The following ATP10A variants were observed in gnomAD, a reference collection of about 807,000 sequenced individuals.
ATP10A encodes the protein phospholipid-transporting ATPase VA.
ATP10A carries 111 observed loss-of-function variants against 147.8 expected under a neutral mutation model. The ratio of observed to expected loss-of-function variants is 0.75; its 90% CI spans 0.64 to 0.88. The LOEUF is 0.88. Ranked by LOEUF, ATP10A falls within the 40% of genes least tolerant of loss-of-function variation. The pLI, the probability that ATP10A is intolerant of heterozygous loss-of-function variation, is 0.00. For missense variants in ATP10A, 1,927 were observed against 1,959.0 expected, an observed-to-expected ratio of 0.98 and a Z score of 0.31; for synonymous variants, 875 against 841.6, an observed-to-expected ratio of 1.04 and a Z score of -0.69.
intron 2 of ATP10A, among the ~76,000 whole-genome samples, chr15:25,751,416 C>T (rs1204030554): frequency 1.3e-5 from 2 of 152,090 alleles, no homozygotes; most frequent in East Asian, 1.9e-4. Context: ...ACCAGTGTTA[C>T]CTGTTTGACA....
intron 13 of ATP10A, among the ~76,000 whole-genome samples, chr15:25,699,603 T>C (rs962797227): frequency 2.6e-4 from 40 of 152,144 alleles, no homozygotes; most frequent in African/African-American, 7.5e-4. Context: ...GCACAGTGGC[T>C]CAAGTCTATA....
At chr15:25,685,815 C>A (rs1196991084) in intron 16 of ATP10A, among the ~76,000 whole-genome samples, 3 of 130,492 alleles carry the variant, frequency 2.3e-5, no homozygotes, top group African/African-American at 1.0e-4. Flanking sequence ...CAGAATCAGA[C>A]CCTGTCTTTA....
At chr15:25,746,102 A>C (rs1391930292) in intron 2 of ATP10A, among the ~76,000 whole-genome samples, 1 of 152,184 alleles carries the variant, frequency 6.6e-6, no homozygotes, top group Non-Finnish European at 1.5e-5. Flanking sequence ...TTAAAAACTC[A>C]AGACTATATT....
At chr15:25,675,656 A>T (rs1202913197), downstream of ATP10A, among the ~76,000 whole-genome samples, 1 of 152,192 alleles carries the variant, frequency 6.6e-6, no homozygotes, top group Non-Finnish European at 1.5e-5. Flanking sequence ...TCATTAAAGA[A>T]AAACAAGGTC....
At chr15:25,853,834 T>TAAAAC (rs549271066) in intron 1 of ATP10A, among the ~76,000 whole-genome samples, 110 of 150,506 alleles carry the variant, frequency 7.3e-4, no homozygotes, top group Non-Finnish European at 8.3e-4. Context: ...AAGAATCAGC[T>TAAAAC]AAAACAAAAC....
intron 3 of ATP10A, among the ~76,000 whole-genome samples, chr15:25,728,133 C>T (rs1375831580): frequency 1.3e-5 from 2 of 152,332 alleles, no homozygotes; most frequent in South Asian, 2.1e-4. Context: ...CCTCTCCGCA[C>T]GCATTCCCCA....
chr15:25,673,086 C>T (rs1295911387), downstream of ATP10A, among the ~76,000 whole-genome samples: 1 of 152,140 alleles, frequency 6.6e-6, no homozygotes, highest in East Asian at 1.9e-4. Context: ...CAAAACCATA[C>T]CCAGGGCCCC....
At chr15:25,770,998 T>C (rs1039662840) in intron 2 of ATP10A, among the ~76,000 whole-genome samples, 3 of 152,172 alleles carry the variant, frequency 2.0e-5, no homozygotes, top group African/African-American at 7.2e-5. Flanking sequence ...GTAGAGGTCG[T>C]TCAGGGGAGG....
At chr15:25,717,863 G>C (rs1388743071) in intron 8 of ATP10A, among the ~76,000 whole-genome samples, 2 of 152,282 alleles carry the variant, frequency 1.3e-5, no homozygotes, top group East Asian at 1.9e-4. Context: ...GGTTGGCTTT[G>C]CTTTTTAGCG....
chr15:25,675,046 T>C (rs1204416817), downstream of ATP10A, among the ~76,000 whole-genome samples: 1 of 152,186 alleles, frequency 6.6e-6, no homozygotes, highest in African/African-American at 2.4e-5. Context: ...GGCCGAAGTC[T>C]GCCCTGGCTG....
At chr15:25,673,857 G>T (rs1899087924), downstream of ATP10A, among the ~76,000 whole-genome samples, 1 of 152,192 alleles carries the variant, frequency 6.6e-6, no homozygotes, top group South Asian at 2.1e-4. Flanking sequence ...AGCCTGGCTG[G>T]GCTGCCTCAG....
chr15:25,684,702 C>T (rs920650316), intron 16 of ATP10A, among the ~76,000 whole-genome samples: 1 of 152,160 alleles, frequency 6.6e-6, no homozygotes, highest in Non-Finnish European at 1.5e-5. Flanking sequence ...GGAACTCTGA[C>T]GCTAGACAGA....
At position 25,680,219 on chromosome 15, in the gene ATP10A, A is replaced by T. The variant is rs1899324829; in HGVS notation, c.3768T>A (p.Tyr1256Ter). The T allele has an allele frequency of 6.8e-6, 11 of 1,614,148 alleles. No homozygotes were observed. Among genetic ancestry groups the T allele is most frequent in the Non-Finnish European group, 9.3e-6 (11 of 1,179,992 alleles). ...TAGTCCAGTAAGGGTTGGACGGAGG[A>T]TAGCACGTGGCACAAGACGCATTGT... Reference protein sequence around the residue: ...LIYNASCATCYPPSNPYWTMQ... With the variant: ...LIYNASCATC The change falls in exon 20 of 21, where the codon TAT (tyrosine) becomes TAA (stop). Residue 1256 changes from tyrosine (Y) to a stop codon, truncating the protein, a stop_gained. Transcript: ENST00000555815. LOFTEE classifies it high-confidence loss of function.
chr15:25,790,903 A>ACAATCCCAGGAAATGGGCCGGAGTTGTG (rs1410785391), intron 1 of ATP10A, among the ~76,000 whole-genome samples: 25 of 152,162 alleles, frequency 1.6e-4, no homozygotes, highest in Non-Finnish European at 1.8e-4. Context: ...CATTGGTATG[A>ACAATCCCAGGAAATGGGCCGGAGTTGTG]CAATCCCAGG....
In ATP10A at chr15:25,679,556, G is replaced by A; in HGVS notation, c.4285C>T (p.Leu1429Phe). 6.2e-7 allele frequency: 1 copy of A among 1,612,016 alleles called. No individual in the cohort carries two copies. The highest frequency in any genetic ancestry group is 8.5e-7 in the Non-Finnish European group (1 of 1,178,430). Residue 1429 changes from leucine to phenylalanine, a missense_variant, in exon 21 of 21, where the codon CTC (leucine) becomes TTC (phenylalanine). Coordinates refer to ENST00000555815, the MANE Select transcript of ATP10A (RefSeq NM_024490.4). ...STGRVTPLSS[L>F]FSLPTFSLLN... is the part of the protein sequence containing the mutation. ...AAGCTGAAGGTAGGCAGGCTGAAGAGGGAAGACAGGGGGGTCACCCTGCCG... is the reference window on the plus strand; with the variant it reads ...AAGCTGAAGGTAGGCAGGCTGAAGAAGGAAGACAGGGGGGTCACCCTGCCG...
Position 25,680,574 on chromosome 15 carries a change from G to A in ATP10A, c.3678+236C>T, listed in dbSNP as rs544771380. Among the ~76,000 whole-genome samples, 10 of 152,234 alleles carry A rather than the reference G, an allele frequency of 6.6e-5. No individual in the cohort carries two copies. In the East Asian group the frequency reaches 9.7e-4, roughly 15 times the overall value. On this transcript the variant is annotated intron_variant, in intron 19 of 20. Coordinates refer to ENST00000555815, the MANE Select transcript of ATP10A (RefSeq NM_024490.4). ...AAGGAGAGAATGTGGTGGTGGAAGCGGGAAAGAGGCGGGAGGGAGATGAGC... is the reference window on the plus strand; with the variant it reads ...AAGGAGAGAATGTGGTGGTGGAAGCAGGAAAGAGGCGGGAGGGAGATGAGC...
intron 10 of ATP10A, among the ~76,000 whole-genome samples, chr15:25,712,828 G>A (rs1901525299): frequency 6.6e-6 from 1 of 152,112 alleles, no homozygotes; most frequent in South Asian, 2.1e-4. Context: ...ATGGGGACAT[G>A]GATTTCCTGT....
intron 15 of ATP10A, among the ~76,000 whole-genome samples, chr15:25,691,304 T>C (rs1900020799): frequency 6.6e-6 from 1 of 152,166 alleles, no homozygotes; most frequent in African/African-American, 2.4e-5. Flanking sequence ...GATGGCTACA[T>C]TCCACCTGTA....
At chr15:25,691,858 T>C in intron 14 of ATP10A, 67 bp from the exon 15 acceptor site, 2 of 1,595,394 alleles carry the variant, frequency 1.3e-6, no homozygotes, top group Non-Finnish European at 1.7e-6. Context: ...ATCAATGTGC[T>C]AGATTTTCTT....
Sources: allele counts gnomAD v4.1 joint callset (sites outside exome capture counted in the v4.1 genomes callset), GRCh38; gene constraint gnomAD v4.1.1; transcripts MANE v1.5; gene names NCBI Gene and HGNC (gene_info 2026-07-23, HGNC 2026-07-21).